The following NKAIN3 variants were observed in gnomAD, a reference collection of about 807,000 sequenced individuals.
NKAIN3 encodes sodium/potassium-transporting ATPase subunit beta-1-interacting protein 3.
In NKAIN3, 25 loss-of-function variants were observed where a neutral mutation model predicts 30.2. The ratio of observed to expected loss-of-function variants is 0.83; its 90% CI spans 0.60 to 1.16. The LOEUF (loss-of-function observed/expected upper bound fraction) is 1.16, where lower values mean the gene tolerates loss of function less well. Ranked by LOEUF, NKAIN3 falls within the 50% of genes most tolerant of loss-of-function variation. NKAIN3 has a pLI of 0.00. For missense variants in NKAIN3, 225 were observed against 254.1 expected (o/e 0.89, Z 0.78); for synonymous variants, 91 against 89.6 (o/e 1.02, Z -0.09).
At chr8:62,890,365 C>A (rs1821265870) in intron 4 of NKAIN3, among the ~76,000 whole-genome samples, 1 of 152,190 alleles carries the variant, frequency 6.6e-6, no homozygotes, top group Admixed American at 6.5e-5. Flanking sequence ...ATTTGAGCAA[C>A]AATGAAAGGA....
At chr8:62,513,412 A>C (rs995365080) in intron 1 of NKAIN3, among the ~76,000 whole-genome samples, 2 of 152,106 alleles carry the variant, frequency 1.3e-5, no homozygotes, top group East Asian at 3.9e-4. Context: ...CATGGTCATA[A>C]ATATAAGCAC....
At chr8:62,513,878 A>G (rs2129749174) in intron 1 of NKAIN3, among the ~76,000 whole-genome samples, 2 of 151,152 alleles carry the variant, frequency 1.3e-5, no homozygotes, top group East Asian at 3.9e-4. Flanking sequence ...AAAAAAAAAA[A>G]AAAAAAAGCA....
intron 3 of NKAIN3, among the ~76,000 whole-genome samples, chr8:62,731,668 C>T (rs1039578828): frequency 6.6e-6 from 1 of 152,034 alleles, no homozygotes; most frequent in African/African-American, 2.4e-5. Flanking sequence ...CATAATAGTA[C>T]AAAAAGTTAG....
At chr8:62,907,365 A>T (rs1460598990) in intron 4 of NKAIN3, among the ~76,000 whole-genome samples, 1 of 152,206 alleles carries the variant, frequency 6.6e-6, no homozygotes, top group African/African-American at 2.4e-5. Flanking sequence ...AAGTTCAGAA[A>T]ATGTGCAGGC....
chr8:62,396,091 A>G (rs548336754), intron 1 of NKAIN3, among the ~76,000 whole-genome samples: 2 of 152,238 alleles, frequency 1.3e-5, no homozygotes, highest in Non-Finnish European at 2.9e-5. Flanking sequence ...CTATACAGAC[A>G]TCAGTACTTA....
chr8:62,484,740 G>T (rs950769165), intron 1 of NKAIN3, among the ~76,000 whole-genome samples: 5 of 152,150 alleles, frequency 3.3e-5, no homozygotes, highest in African/African-American at 1.2e-4. Flanking sequence ...TGTGAACAGA[G>T]ATCCAAGGTG....
chr8:62,950,505 T>G (rs568088577), intron 5 of NKAIN3, among the ~76,000 whole-genome samples: 1,608 of 152,304 alleles, frequency 0.011, 7 homozygotes, highest in Non-Finnish European at 0.015. Flanking sequence ...TCTTGTCTAG[T>G]TCTAGAATCT....
rs116233525 is a variant in NKAIN3 at position 62,858,396 on chromosome 8, G to C, written c.472-60057G>C. The stretch of plus-strand genomic sequence containing the variant: ...TTTTGATAGAGCAGCATGCGTGTTG[G>C]GGATCTCTTCAGCCTCTGATCAGAT... On this transcript the variant is annotated intron_variant, in intron 4 of 6. Coordinates refer to ENST00000623646, the MANE Select transcript of NKAIN3 (RefSeq NM_001304533.3). Among the ~76,000 whole-genome samples the C allele has an allele frequency of 2.2e-3, 334 of 152,234 alleles. 2 individuals carry two copies. The highest frequency in any genetic ancestry group is 7.4e-3 in the African/African-American group (308 of 41,542).
At chr8:62,753,576 AT>A (rs1323171927) in intron 4 of NKAIN3, among the ~76,000 whole-genome samples, 4 of 152,158 alleles carry the variant, frequency 2.6e-5, no homozygotes. Flanking sequence ...ACAGTTTGGT[AT>A]AAAATATAAT....
At chr8:62,355,951 A>T (rs1816338773) in intron 1 of NKAIN3, among the ~76,000 whole-genome samples, 1 of 152,218 alleles carries the variant, frequency 6.6e-6, no homozygotes, top group Non-Finnish European at 1.5e-5. Flanking sequence ...CTAAAAATTA[A>T]CAATGTAGTT....
intron 1 of NKAIN3, among the ~76,000 whole-genome samples, chr8:62,307,040 C>G (rs1267067127): frequency 1.3e-5 from 2 of 149,944 alleles, no homozygotes; most frequent in Non-Finnish European, 2.9e-5. Flanking sequence ...GAATCCCCTT[C>G]TGAGAATGAT....
chr8:62,371,079 T>C (rs571046693), intron 1 of NKAIN3, among the ~76,000 whole-genome samples: 7 of 152,052 alleles, frequency 4.6e-5, no homozygotes, highest in Middle Eastern at 3.4e-3. Context: ...TAATGATTAC[T>C]GGGTTGATGT....
intron 3 of NKAIN3, among the ~76,000 whole-genome samples, chr8:62,670,070 C>T (rs1813250785): frequency 6.6e-6 from 1 of 151,984 alleles, no homozygotes; most frequent in African/African-American, 2.4e-5. Context: ...AAAGACAACA[C>T]AATTAGAATC....
intron 3 of NKAIN3, among the ~76,000 whole-genome samples, chr8:62,638,297 C>T (rs190826840): frequency 1.3e-5 from 2 of 152,242 alleles, no homozygotes; most frequent in Admixed American, 6.5e-5. Context: ...AACACTTTCT[C>T]CATTTTTCTT....
intron 4 of NKAIN3, among the ~76,000 whole-genome samples, chr8:62,811,289 T>C (rs1818480237): frequency 6.6e-6 from 1 of 152,160 alleles, no homozygotes; most frequent in South Asian, 2.1e-4. Context: ...ATCTATGTTG[T>C]TTACAGTTTT....
intron 1 of NKAIN3, among the ~76,000 whole-genome samples, chr8:62,327,649 CATCTGCTTTT>C (rs1815188496): frequency 6.6e-6 from 1 of 152,040 alleles, no homozygotes; most frequent in Non-Finnish European, 1.5e-5. Flanking sequence ...TTGATCTTTA[CATCTGCTTTT>C]ATGCCAAATG....
chr8:62,865,655 G>T (rs992424732), intron 4 of NKAIN3, among the ~76,000 whole-genome samples: 4 of 152,054 alleles, frequency 2.6e-5, no homozygotes, highest in Non-Finnish European at 5.9e-5. Context: ...ATCTATTTAT[G>T]AAAAATAAAT....
intron 1 of NKAIN3, among the ~76,000 whole-genome samples, chr8:62,392,166 C>T (rs1383736862): frequency 6.6e-6 from 1 of 151,964 alleles, no homozygotes; most frequent in African/African-American, 2.4e-5. Flanking sequence ...TATAGGAAAA[C>T]TCCATGCTTT....
chr8:62,589,413 G>C (rs1785680052), intron 2 of NKAIN3, among the ~76,000 whole-genome samples: 1 of 151,674 alleles, frequency 6.6e-6, no homozygotes, highest in African/African-American at 2.4e-5. Context: ...CCCTAGAAAA[G>C]ATAATACTCA....
Sources: allele counts gnomAD v4.1 joint callset (sites outside exome capture counted in the v4.1 genomes callset), GRCh38; gene constraint gnomAD v4.1.1; transcripts MANE v1.5; gene names NCBI Gene and HGNC (gene_info 2026-07-23, HGNC 2026-07-21).